Variants in ERCC8 observed in about 807,000 individuals in gnomAD.
The protein encoded by ERCC8 is DNA excision repair protein ERCC-8.
ERCC8 carries 52 observed loss-of-function variants against 54.9 expected under a neutral mutation model. That is an observed-to-expected ratio of 0.95 (90% CI 0.76 to 1.19). The LOEUF is 1.19. ERCC8 is among the 50% of genes most tolerant of loss of function. The pLI, the probability that ERCC8 is intolerant of heterozygous loss-of-function variation, is 0.00. For missense variants in ERCC8, 514 were observed against 466.1 expected (o/e 1.10, Z -0.95); for synonymous variants, 146 against 157.2 (o/e 0.93, Z 0.53).
intron 1 of ERCC8, among the ~76,000 whole-genome samples, chr5:60,937,027 T>G (rs907048988): frequency 2.6e-5 from 4 of 152,216 alleles, no homozygotes; most frequent in African/African-American, 4.8e-5. Context: ...AGAGCCAAAC[T>G]GCAGTGATTG....
Position 60,898,551 on chromosome 5 carries a change from G to T in ERCC8, c.719-151C>A, listed in dbSNP as rs1412509083. 7.3e-6 allele frequency: 6 copies of T among 820,316 alleles called. No individual in the cohort carries two copies. The Admixed American group carries it at 8.8e-5, about 12-fold the overall frequency. 50.8% of individuals were successfully genotyped at this position (820,316 alleles called of 1,614,324 possible). ...ACTTAACCAACCCTTCAGATTATTTGAATAGGATAAGCTATATAAATCAGA... is the reference window on the plus strand; with the variant it reads ...ACTTAACCAACCCTTCAGATTATTTTAATAGGATAAGCTATATAAATCAGA... On this transcript the variant is annotated intron_variant, in intron 8 of 11. Coordinates refer to ENST00000676185, the MANE Select transcript of ERCC8 (RefSeq NM_000082.4).
intron 11 of ERCC8, among the ~76,000 whole-genome samples, chr5:60,882,667 G>A (rs910881993): frequency 2.0e-5 from 3 of 152,112 alleles, no homozygotes; most frequent in African/African-American, 4.8e-5. Context: ...GATTACAGGC[G>A]TGAGCCACCA....
intron 5 of ERCC8, among the ~76,000 whole-genome samples, 158 bp downstream of exon 5, chr5:60,904,634 G>GTGTATA (rs1406862264): frequency 1.3e-3 from 65 of 49,858 alleles, no homozygotes; most frequent in African/African-American, 4.3e-3. Flanking sequence ...GTGTGTGTGT[G>GTGTATA]TATATATATA....
rs4647159 is a variant in ERCC8 at position 60,873,655 on chromosome 5, C to T, written c.*960G>A. Among the ~76,000 whole-genome samples the T allele has an allele frequency of 2.0e-5, 3 of 151,964 alleles. No individual in the cohort carries two copies. Among genetic ancestry groups the T allele is most frequent in the Non-Finnish European group, 2.9e-5 (2 of 67,986 alleles). On this transcript the variant is annotated 3_prime_UTR_variant, in exon 12 of 12. Transcript: ENST00000676185. ...TCAAAACACTGCACTCCGGCCTGAG[C>T]GACAGAGTGAAACTCCATCTCAGGA...
At chr5:60,918,468 G>C in intron 3 of ERCC8, 80 bp from the exon 4 acceptor site, 1 of 1,256,254 alleles carries the variant, frequency 8.0e-7, no homozygotes, top group Non-Finnish European at 1.1e-6. Context: ...ACAAGTAGTA[G>C]TCTCAGGTAG....
In ERCC8 at chr5:60,874,668, GT is replaced by G. The variant is rs1343747301; in HGVS notation, c.1137del (p.Gln380AsnfsTer2). 25 of 1,608,024 alleles carry G rather than the reference GT, an allele frequency of 1.6e-5. No homozygotes were observed. Among genetic ancestry groups the G allele is most frequent in the Non-Finnish European group, 2.0e-5 (23 of 1,178,044 alleles). ...GCATCTTCAAAGGCCGGATTTAATT[GT>G]GATTTTGTTGTAGTCTAAAAAAAAA... ...VPDDDETTTK[S>X]QLNPAFEDAW... On this transcript the variant is annotated frameshift_variant, in exon 12 of 12. Transcript: ENST00000676185. LOFTEE classifies it high-confidence loss of function.
chr5:60,902,598 T>A, intron 6 of ERCC8, 90 bp from the exon 7 acceptor site: 1 of 965,268 alleles, frequency 1.0e-6, no homozygotes, highest in Non-Finnish European at 1.7e-6. Context: ...CTGAAGAAAG[T>A]GAGGCCAAAT....
chr5:60,884,510 T>A (rs1478678789), intron 11 of ERCC8, among the ~76,000 whole-genome samples: 1 of 128,056 alleles, frequency 7.8e-6, no homozygotes, highest in Non-Finnish European at 1.6e-5. Flanking sequence ...TGTGTATGTA[T>A]ATGTGTGTAT....
intron 10 of ERCC8, among the ~76,000 whole-genome samples, chr5:60,888,511 A>C (rs1748461220): frequency 6.6e-6 from 1 of 152,218 alleles, no homozygotes; most frequent in African/African-American, 2.4e-5. Flanking sequence ...GTACTAACAC[A>C]CCCAGTGAAG....
intron 9 of ERCC8, chr5:60,892,158 G>T (rs1748581406): frequency 1.9e-6 from 1 of 514,624 alleles, no homozygotes; most frequent in Non-Finnish European, 3.9e-6. Flanking sequence ...TTAGGGTGGT[G>T]GTCTACATTG....
chr5:60,890,599 C>A (rs1748517349), intron 10 of ERCC8, among the ~76,000 whole-genome samples: 2 of 152,114 alleles, frequency 1.3e-5, no homozygotes, highest in African/African-American at 4.8e-5. Context: ...AAGATTGTTT[C>A]AAGAAATTAT....
intron 11 of ERCC8, among the ~76,000 whole-genome samples, chr5:60,877,253 A>G (rs1373693100): frequency 1.3e-5 from 2 of 152,206 alleles, no homozygotes; most frequent in African/African-American, 4.8e-5. Flanking sequence ...CTGTTTTGGT[A>G]CCAGTACCGT....
intron 9 of ERCC8, chr5:60,893,477 G>A (rs1748628905): frequency 1.1e-6 from 1 of 942,236 alleles, no homozygotes. Context: ...AGGAGCAGAG[G>A]GCACTTTGGA....
intron 10 of ERCC8, among the ~76,000 whole-genome samples, chr5:60,889,335 T>C (rs1030102952): frequency 1.3e-5 from 2 of 152,232 alleles, no homozygotes; most frequent in African/African-American, 4.8e-5. Flanking sequence ...CCTAGATTCA[T>C]GAATTTATAT....
rs1747806755 is a variant in ERCC8, at chr5:60,868,870, C to T, written c.*5745G>A. 6.6e-6 allele frequency among the ~76,000 whole-genome samples: 1 copy of T among 152,142 alleles called. No homozygotes were observed. The highest frequency in any genetic ancestry group is 2.1e-4 in the South Asian group (1 of 4,832). On this transcript the variant is annotated 3_prime_UTR_variant, in exon 12 of 12. Transcript: ENST00000676185. ...ATCCTGAGCCCTAGATTTAACCTTC[C>T]GATGTCCAGAAATTCATTACAATAG...
At chr5:60,876,893 C>T (rs1162362923) in intron 11 of ERCC8, among the ~76,000 whole-genome samples, 5 of 152,108 alleles carry the variant, frequency 3.3e-5, no homozygotes, top group Non-Finnish European at 7.4e-5. Flanking sequence ...AATTAGATCC[C>T]ATTTGTCAAT....
chr5:60,939,462 C>G (rs1257342864), intron 1 of ERCC8, among the ~76,000 whole-genome samples: 3 of 148,686 alleles, frequency 2.0e-5, no homozygotes, highest in Admixed American at 1.3e-4. Flanking sequence ...GTTTGGATTC[C>G]CCGGTTGCAA....
In ERCC8 at chr5:60,874,539, T is replaced by C. The variant is rs1416844483; in HGVS notation, c.*76A>G. ...TTAGGGCTAATTTAGCTGTCAGGAA[T>C]AGACCATACAGTTGAAAAAAACACA... On this transcript the variant is annotated 3_prime_UTR_variant, in exon 12 of 12. Coordinates refer to ENST00000676185, the MANE Select transcript of ERCC8 (RefSeq NM_000082.4). 3 of 1,271,382 alleles carry C rather than the reference T, an allele frequency of 2.4e-6. No homozygotes were observed. The highest frequency in any genetic ancestry group is 1.5e-5 in the African/African-American group (1 of 67,930). 78.8% of individuals were successfully genotyped at this position (1,271,382 alleles called of 1,614,324 possible).
chr5:60,881,319 G>A (rs142510967), intron 11 of ERCC8, among the ~76,000 whole-genome samples: 2,281 of 152,294 alleles, frequency 0.015, 57 homozygotes, highest in African/African-American at 0.051. Flanking sequence ...GGACCCACTT[G>A]AGGAGGCAGT....
Sources: allele counts gnomAD v4.1 joint callset (sites outside exome capture counted in the v4.1 genomes callset), GRCh38; gene constraint gnomAD v4.1.1; transcripts MANE v1.5; gene names NCBI Gene and HGNC (gene_info 2026-07-23, HGNC 2026-07-21).